CYB5B: variants seen among roughly 807,000 people sequenced by gnomAD.
CYB5B encodes the protein cytochrome b5 type B.
In CYB5B, 14 loss-of-function variants were observed where a neutral mutation model predicts 21.3. The ratio of observed to expected loss-of-function variants is 0.66; its 90% confidence interval spans 0.43 to 1.03. The LOEUF is 1.03. Among genes scored for constraint, CYB5B ranks in the 50% least tolerant of loss-of-function variants. The pLI, the probability that CYB5B is intolerant of heterozygous loss-of-function variation, is 0.00. For missense variants in CYB5B, 166 were observed against 185.1 expected (o/e 0.90, Z 0.60); for synonymous variants, 69 against 68.4 (o/e 1.01, Z -0.04).
chr16:69,449,222 A>T (rs77186111), intron 3 of CYB5B: 1 of 151,952 alleles, frequency 6.6e-6, no homozygotes, highest in Admixed American at 6.6e-5. Flanking sequence ...AAAAAAAAAA[A>T]TTAAATAGTT....
intron 1 of CYB5B, among the ~76,000 whole-genome samples, chr16:69,433,179 A>G (rs1227017387): frequency 6.6e-6 from 1 of 152,160 alleles, no homozygotes; most frequent in Admixed American, 6.5e-5. Context: ...GGTCTGTTTT[A>G]TAGCTTTGTT....
At chr16:69,425,573 AT>A (rs1248997024) in intron 1 of CYB5B, among the ~76,000 whole-genome samples, 1 of 152,154 alleles carries the variant, frequency 6.6e-6, no homozygotes, top group Admixed American at 6.5e-5. Flanking sequence ...AGACTTCTAA[AT>A]ATTTAAAACT....
chr16:69,433,018 A>G (rs567689520), intron 1 of CYB5B, among the ~76,000 whole-genome samples: 41 of 152,226 alleles, frequency 2.7e-4, no homozygotes, highest in African/African-American at 9.4e-4. Context: ...GGCTGGTCTC[A>G]AACTACTGAC....
intron 1 of CYB5B, among the ~76,000 whole-genome samples, chr16:69,434,194 T>C (rs1467293366): frequency 6.6e-6 from 1 of 152,226 alleles, no homozygotes; most frequent in African/African-American, 2.4e-5. Context: ...ATCTATTTTT[T>C]CTGTGTTATC....
At chr16:69,447,973 AT>A (rs35119053) in intron 2 of CYB5B, 141 bp from the exon 3 acceptor site, 144,752 of 811,682 alleles carry the variant, frequency 0.18, 13,891 homozygotes, top group Middle Eastern at 0.27. Flanking sequence ...GAGTAGAGGT[AT>A]CTTTCTATGG....
At position 69,463,150 on chromosome 16, in the gene CYB5B, C is replaced by T. The variant is rs1353242113; in HGVS notation, c.*630C>T. 2 of 152,052 alleles carry T rather than the reference C, an allele frequency of 1.3e-5. No homozygotes were observed. Among genetic ancestry groups the T allele is most frequent in the Non-Finnish European group, 2.9e-5 (2 of 68,028 alleles). The allele number at this position is 152,052 out of a possible 1,614,324, so 9.4% of individuals were successfully genotyped here. Reference sequence around the variant, plus strand: ...TTAATTCCTGAAGTAAAGGTTTGCACCTATTAAACTTAAAACTGCCAAATG... The same window carrying T: ...TTAATTCCTGAAGTAAAGGTTTGCATCTATTAAACTTAAAACTGCCAAATG... On this transcript the variant is annotated 3_prime_UTR_variant, in exon 5 of 5. Transcript: ENST00000307892.
chr16:69,461,600 A>G lies in CYB5B; in HGVS notation c.363-830A>G, dbSNP rs1188443557. ...GGGTCATTTGGATCATGGAAGAATT[A>G]TACCTTAAAACTAGTGTGCTAATAA... On this transcript the variant is annotated intron_variant, in intron 4 of 4. Coordinates refer to ENST00000307892, the MANE Select transcript of CYB5B (RefSeq NM_030579.3). 3.9e-5 allele frequency among the ~76,000 whole-genome samples: 6 copies of G among 152,240 alleles called. 1 individual carries two copies. In the South Asian group the frequency reaches 1.2e-3, roughly 31 times the overall value.
rs1249964574 is a variant in CYB5B, at chr16:69,424,810, C to G, written c.127C>G (p.Leu43Val). ...GCGCAACTCCTTGAAGGAACTGTGG[C>G]TTGTGATCCATGGGCGAGTCTACGA... ...AKRNSLKELWLVIHGRVYDVT... is the reference protein window; with the variant it reads ...AKRNSLKELWVVIHGRVYDVT... Residue 43 changes from leucine (L) to valine (V), a missense_variant, in exon 1 of 5, where the codon CTT becomes GTT. Transcript: ENST00000307892. 3 of 1,606,200 alleles carry G rather than the reference C, an allele frequency of 1.9e-6. No homozygotes were observed. The African/African-American group carries it at 4.0e-5, about 22-fold the overall frequency.
chr16:69,431,830 A>G (rs1426348409), intron 1 of CYB5B, among the ~76,000 whole-genome samples: 1 of 152,202 alleles, frequency 6.6e-6, no homozygotes, highest in Non-Finnish European at 1.5e-5. Flanking sequence ...ATTCTAGAGG[A>G]GTCAAAACAA....
chr16:69,459,048 T>C, intron 3 of CYB5B, 45 bp from the exon 4 acceptor site: 1 of 1,545,194 alleles, frequency 6.5e-7, no homozygotes, highest in Non-Finnish European at 8.8e-7. Context: ...TAATCTTCTT[T>C]CTTTTTGTTT....
intron 1 of CYB5B, among the ~76,000 whole-genome samples, chr16:69,427,058 G>A (rs992520046): frequency 4.6e-5 from 7 of 152,076 alleles, no homozygotes; most frequent in Admixed American, 3.9e-4. Flanking sequence ...TGGCCAACAC[G>A]GCGAAACCTC....
intron 1 of CYB5B, among the ~76,000 whole-genome samples, chr16:69,429,381 A>G (rs1389415014): frequency 6.6e-6 from 1 of 152,112 alleles, no homozygotes; most frequent in African/African-American, 2.4e-5. Flanking sequence ...CATTTTACAG[A>G]GTGCCGATTG....
intron 1 of CYB5B, among the ~76,000 whole-genome samples, chr16:69,433,106 G>C (rs2014722865): frequency 2.6e-5 from 4 of 152,026 alleles, no homozygotes; most frequent in African/African-American, 9.7e-5. Flanking sequence ...CCTGTGGCCT[G>C]TACTCTTAAC....
intron 1 of CYB5B, among the ~76,000 whole-genome samples, chr16:69,441,509 CAA>C (rs1388457258): frequency 6.6e-6 from 1 of 152,164 alleles, no homozygotes. Flanking sequence ...AATTTGTAGT[CAA>C]GAGTCATTTC....
chr16:69,437,854 G>A (rs1330745332), intron 1 of CYB5B, among the ~76,000 whole-genome samples: 1 of 151,976 alleles, frequency 6.6e-6, no homozygotes, highest in Non-Finnish European at 1.5e-5. Context: ...CCATATAAAT[G>A]GAATCAAATA....
rs146303402 is a variant in CYB5B, at chr16:69,428,748, C to T, written c.174+3891C>T. On this transcript the variant is annotated intron_variant, in intron 1 of 4. Coordinates refer to ENST00000307892, the MANE Select transcript of CYB5B (RefSeq NM_030579.3). ...GGGTTTGAAATTTTAGCGATGGTGC[C>T]GAGATAACTTTATGAAGATGACTAA... Among the ~76,000 whole-genome samples the T allele has an allele frequency of 1.7e-3, 266 of 152,018 alleles. 2 individuals are homozygous for T. The highest frequency in any genetic ancestry group is 6.1e-3 in the African/African-American group (251 of 41,462).
chr16:69,424,651 T>C lies in CYB5B; in HGVS notation c.-33T>C. ...GAGCGCGGGCTCTCAAGGAAAGTAG[T>C]CGCGGAATCTCAGTTAGCGGTGGAG... On this transcript the variant is annotated 5_prime_UTR_variant, in exon 1 of 5. Coordinates refer to ENST00000307892, the MANE Select transcript of CYB5B (RefSeq NM_030579.3). 6.6e-7 allele frequency: 1 copy of C among 1,504,412 alleles called. No homozygotes were observed. The highest frequency in any genetic ancestry group is 1.3e-5 in the South Asian group (1 of 76,786). 93.2% of individuals were successfully genotyped at this position (1,504,412 alleles called of 1,614,324 possible). A position where few individuals can be genotyped will look rare whatever the true frequency, so the allele number is the denominator to read the frequency against.
intron 3 of CYB5B, chr16:69,449,087 T>G (rs2142821485): frequency 2.0e-5 from 3 of 152,366 alleles, no homozygotes; most frequent in Middle Eastern, 6.8e-3. Context: ...GTTGCTAGAC[T>G]GCTACTCTGA....
rs9927173 is a variant in CYB5B, at chr16:69,436,575, G to C, written c.175-10575G>C. On this transcript the variant is annotated intron_variant, in intron 1 of 4. Transcript: ENST00000307892. Reference sequence around the variant, plus strand: ...GTCTGTTATCTTTCTCTGCCCTGCAGACTGTTTTTTAGGAAGTAGTTTTTG... The same window carrying C: ...GTCTGTTATCTTTCTCTGCCCTGCACACTGTTTTTTAGGAAGTAGTTTTTG... 5.2e-3 allele frequency among the ~76,000 whole-genome samples: 799 copies of C among 152,296 alleles called. 14 individuals carry two copies. Among genetic ancestry groups the C allele is most frequent in the African/African-American group, 0.018 (768 of 41,566 alleles).
Sources: allele counts gnomAD v4.1 joint callset (sites outside exome capture counted in the v4.1 genomes callset), GRCh38; gene constraint gnomAD v4.1.1; transcripts MANE v1.5; gene names NCBI Gene and HGNC (gene_info 2026-07-23, HGNC 2026-07-21).